PRR16: variants seen among roughly 807,000 people sequenced by gnomAD.
The protein encoded by PRR16 is protein Largen.
In PRR16, 6 loss-of-function variants were observed where a neutral mutation model predicts 18.2. The ratio of observed to expected loss-of-function variants is 0.33; its 90% CI spans 0.18 to 0.65. PRR16 has a LOEUF of 0.65. Among genes scored for constraint, PRR16 ranks in the 30% least tolerant of loss-of-function variants. PRR16 has a pLI of 0.74. For missense variants in PRR16, 412 were observed against 376.6 expected (o/e 1.09, Z -0.78); for synonymous variants, 151 against 147.8 (o/e 1.02, Z -0.16).
the PRR16 span, among the ~76,000 whole-genome samples, chr5:120,706,788 A>G: frequency 6.6e-6 from 1 of 152,200 alleles, no homozygotes; most frequent in South Asian, 2.1e-4. Flanking sequence ...TTCAATAAGG[A>G]GAAAGATCGA....
At chr5:120,641,805 A>G (rs1327235294) in intron 1 of PRR16, among the ~76,000 whole-genome samples, 1 of 152,112 alleles carries the variant, frequency 6.6e-6, no homozygotes, top group Non-Finnish European at 1.5e-5. Context: ...TCTGCAGATT[A>G]GTTTTCAGTC....
chr5:120,697,373 T>TA, the PRR16 span, among the ~76,000 whole-genome samples: 1 of 152,212 alleles, frequency 6.6e-6, no homozygotes. Context: ...GACACGAAGA[T>TA]AAAAATATAA....
the PRR16 span, among the ~76,000 whole-genome samples, chr5:120,737,338 T>TA: frequency 2.2e-4 from 15 of 68,456 alleles, no homozygotes; most frequent in African/African-American, 8.4e-4. Context: ...TTTTTTTTTT[T>TA]ATGAAAGGGT....
At chr5:120,508,739 C>G (rs548860541) in intron 1 of PRR16, among the ~76,000 whole-genome samples, 38 of 152,084 alleles carry the variant, frequency 2.5e-4, no homozygotes, top group Middle Eastern at 3.4e-3. Flanking sequence ...AGTGTTTTCC[C>G]CATATACAGG....
intron 1 of PRR16, among the ~76,000 whole-genome samples, chr5:120,621,979 C>G (rs1265747213): frequency 6.6e-6 from 1 of 152,130 alleles, no homozygotes; most frequent in Non-Finnish European, 1.5e-5. Context: ...TTCATGTCAC[C>G]TTTTTCAGAG....
At chr5:120,679,448 T>C (rs1756905847) in intron 1 of PRR16, among the ~76,000 whole-genome samples, 1 of 152,162 alleles carries the variant, frequency 6.6e-6, no homozygotes, top group Admixed American at 6.6e-5. Context: ...TACTTTGAAA[T>C]ACCTTAAGCA....
At chr5:120,660,118 A>G (rs889224761) in intron 1 of PRR16, among the ~76,000 whole-genome samples, 2 of 152,054 alleles carry the variant, frequency 1.3e-5, no homozygotes, top group Non-Finnish European at 2.9e-5. Flanking sequence ...AAACTAGAAT[A>G]AGGACAGTAT....
the PRR16 span, among the ~76,000 whole-genome samples, chr5:120,732,774 C>G: frequency 6.6e-6 from 1 of 152,110 alleles, no homozygotes; most frequent in Non-Finnish European, 1.5e-5. Context: ...TGTTTGCAAT[C>G]TAGACCAGTA....
the PRR16 span, among the ~76,000 whole-genome samples, chr5:120,760,133 T>C: frequency 6.6e-6 from 1 of 152,146 alleles, no homozygotes; most frequent in African/African-American, 2.4e-5. Flanking sequence ...TATAATTGAA[T>C]TGAATAATTA....
the PRR16 span, among the ~76,000 whole-genome samples, chr5:120,767,529 A>G: frequency 3.3e-5 from 5 of 151,742 alleles, no homozygotes; most frequent in African/African-American, 9.7e-5. Flanking sequence ...GTTCTCCTTC[A>G]CTCCAATTTG....
the PRR16 span, among the ~76,000 whole-genome samples, chr5:120,789,108 A>T: frequency 1.3e-5 from 2 of 152,008 alleles, no homozygotes; most frequent in Non-Finnish European, 2.9e-5. Context: ...CTTTAAGATT[A>T]AAAAAATACA....
Position 120,550,333 on chromosome 5 carries a change from AC to A in PRR16, c.159+85689del, listed in dbSNP as rs1178384828. Among the ~76,000 whole-genome samples, 13 of 152,194 alleles carry A rather than the reference AC, an allele frequency of 8.5e-5. No individual in the cohort carries two copies. In the South Asian group the frequency reaches 2.5e-3, roughly 29 times the overall value. ...GTAGAATAGAAATTACTTGACTGTA[AC>A]AAATATGGAAAAGCCCAAAGAAGTA... On this transcript the variant is annotated intron_variant, in intron 1 of 1. Coordinates refer to ENST00000407149, the MANE Select transcript of PRR16 (RefSeq NM_001300783.2).
chr5:120,697,327 A>G, the PRR16 span, among the ~76,000 whole-genome samples: 3 of 152,352 alleles, frequency 2.0e-5, no homozygotes, highest in East Asian at 5.8e-4. Flanking sequence ...TGGGACAAGA[A>G]TGAGTACTCC....
the PRR16 span, among the ~76,000 whole-genome samples, chr5:120,742,450 T>A: frequency 6.6e-6 from 1 of 151,794 alleles, no homozygotes; most frequent in Non-Finnish European, 1.5e-5. Flanking sequence ...ATTATGTATT[T>A]TTTAATATTA....
intron 1 of PRR16, among the ~76,000 whole-genome samples, chr5:120,585,614 T>C (rs1232419380): frequency 1.4e-5 from 2 of 146,534 alleles, no homozygotes; most frequent in Admixed American, 6.7e-5. Context: ...TGAGACTTGG[T>C]CTAAAAAAAA....
At chr5:120,784,514 G>C in the PRR16 span, among the ~76,000 whole-genome samples, 8 of 152,180 alleles carry the variant, frequency 5.3e-5, no homozygotes, top group East Asian at 1.2e-3. Flanking sequence ...TATAGAATGG[G>C]AGAAAATATT....
intron 1 of PRR16, among the ~76,000 whole-genome samples, chr5:120,669,084 G>A (rs1366281298): frequency 3.3e-5 from 5 of 152,254 alleles, no homozygotes; most frequent in East Asian, 3.9e-4. Flanking sequence ...TAACTCTGTG[G>A]TGACTGCGTG....
chr5:120,677,910 T>TTC (rs1756853468), intron 1 of PRR16, among the ~76,000 whole-genome samples: 1 of 117,122 alleles, frequency 8.5e-6, no homozygotes, highest in African/African-American at 3.0e-5. Context: ...TCTTTCTTTT[T>TTC]TTTTTTTTTT....
Position 120,475,522 on chromosome 5 carries a change from G to C in PRR16, c.159+10877G>C, listed in dbSNP as rs538939850. 5.3e-5 allele frequency among the ~76,000 whole-genome samples: 8 copies of C among 152,080 alleles called. No individual in the cohort carries two copies. In the East Asian group the frequency reaches 1.4e-3, roughly 26 times the overall value. On this transcript the variant is annotated intron_variant, in intron 1 of 1. Transcript: ENST00000407149. ...AGAGGCAGAGGCAGGAGGATTGCTT[G>C]AGGCCAGGAGTTCAAGACCAGCTTG...
Sources: gnomAD v4.1 joint callset for allele counts (sites outside exome capture counted in the v4.1 genomes callset) on GRCh38, gnomAD v4.1.1 for gene constraint, MANE v1.5 for transcripts, NCBI Gene and HGNC (gene_info 2026-07-23, HGNC 2026-07-21) for gene names.